SLC39A12: variants seen among roughly 807,000 people sequenced by gnomAD.
SLC39A12 encodes zinc transporter ZIP12.
Under a neutral mutation model 71.1 loss-of-function variants are expected in SLC39A12, and 63 were observed. That is an observed-to-expected ratio of 0.89 (90% CI 0.72 to 1.09). The LOEUF is 1.09. Ranked by LOEUF, SLC39A12 falls within the 50% of genes least tolerant of loss-of-function variation. The pLI, the probability that SLC39A12 is intolerant of heterozygous loss-of-function variation, is 0.00. For synonymous variants in SLC39A12, 351 were observed against 301.3 expected (o/e 1.16, Z -1.71); for missense variants, 892 against 812.6 (o/e 1.10, Z -1.19).
intron 4 of SLC39A12, among the ~76,000 whole-genome samples, chr10:17,968,884 T>C (rs1432536031): frequency 1.3e-5 from 2 of 152,204 alleles, no homozygotes; most frequent in East Asian, 3.8e-4. Context: ...TATCAAATAA[T>C]AGGTCTTATT....
intron 12 of SLC39A12, among the ~76,000 whole-genome samples, chr10:18,028,450 C>G (rs1836741107): frequency 6.6e-6 from 1 of 152,086 alleles, no homozygotes; most frequent in South Asian, 2.1e-4. Context: ...TGGAAGTGGA[C>G]AGTAAATGCT....
rs772721594 is a variant in SLC39A12, at chr10:17,981,393, A to C, written c.1006A>C (p.Met336Leu). 12 of 1,613,882 alleles carry C rather than the reference A, an allele frequency of 7.4e-6. No individual in the cohort carries two copies. Among genetic ancestry groups the C allele is most frequent in the Admixed American group, 1.7e-5 (1 of 60,004 alleles). The change falls in exon 6 of 13, where the codon ATG becomes CTG. Residue 336 changes from methionine to leucine, a missense_variant. Met to Leu is a conservative substitution (Grantham distance 15, BLOSUM62 2). Transcript: ENST00000377369. ...SLISKEDFKQ[M>L]SPGIIQQLLS... ...CATTTCTAAGGAGGACTTTAAGCAA[A>C]TGAGTCCAGGGATCATCCAGCAGCT...
At chr10:18,001,134 A>G (rs1196491763) in intron 11 of SLC39A12, among the ~76,000 whole-genome samples, 1 of 152,200 alleles carries the variant, frequency 6.6e-6, no homozygotes, top group African/African-American at 2.4e-5. Flanking sequence ...GGGACTTTAA[A>G]ATCTGCATAT....
chr10:18,024,997 T>C (rs1359379879), intron 12 of SLC39A12, among the ~76,000 whole-genome samples: 11 of 152,228 alleles, frequency 7.2e-5, no homozygotes, highest in Admixed American at 1.3e-4. Context: ...ATGTTTCTTG[T>C]AGATGGCAAG....
chr10:17,965,021 A>C (rs1490755681), intron 3 of SLC39A12, among the ~76,000 whole-genome samples: 1 of 152,206 alleles, frequency 6.6e-6, no homozygotes, highest in Non-Finnish European at 1.5e-5. Context: ...AGCCTGGTCA[A>C]CATGGTGAAA....
At chr10:17,991,654 A>T (rs1177799459) in intron 8 of SLC39A12, among the ~76,000 whole-genome samples, 1 of 149,916 alleles carries the variant, frequency 6.7e-6, no homozygotes, top group Non-Finnish European at 1.5e-5. Flanking sequence ...AAACTTTGAA[A>T]ACTCACAAAA....
chr10:17,977,796 A>G, intron 4 of SLC39A12, 106 bp from the exon 5 acceptor site: 2 of 874,810 alleles, frequency 2.3e-6, no homozygotes, highest in African/African-American at 1.7e-5. Flanking sequence ...TTAAAAAATG[A>G]TAAGAATTCT....
intron 12 of SLC39A12, among the ~76,000 whole-genome samples, chr10:18,020,726 T>C (rs1016208562): frequency 1.3e-5 from 2 of 152,146 alleles, no homozygotes; most frequent in African/African-American, 4.8e-5. Flanking sequence ...ATTAGTGATA[T>C]AGAGCATTTT....
At chr10:17,991,904 C>A (rs1334918157) in intron 8 of SLC39A12, among the ~76,000 whole-genome samples, 4 of 151,976 alleles carry the variant, frequency 2.6e-5, no homozygotes, top group Admixed American at 1.3e-4. Context: ...GCCTGGCCAA[C>A]ATAGCGAAAC....
intron 12 of SLC39A12, among the ~76,000 whole-genome samples, chr10:18,036,794 A>ATATTTTTTTT (rs1554855475): frequency 4.3e-5 from 4 of 92,852 alleles, no homozygotes; most frequent in Non-Finnish European, 5.8e-5. Context: ...ATATATATAT[A>ATATTTTTTTT]TTTTTTTTTT....
chr10:18,020,063 A>T (rs1311960672), intron 12 of SLC39A12, among the ~76,000 whole-genome samples: 1 of 151,934 alleles, frequency 6.6e-6, no homozygotes, highest in East Asian at 1.9e-4. Context: ...ATATTGTGGG[A>T]TTTGGAATAC....
intron 12 of SLC39A12, among the ~76,000 whole-genome samples, chr10:18,017,788 A>C (rs1704891122): frequency 6.6e-6 from 1 of 152,214 alleles, no homozygotes; most frequent in African/African-American, 2.4e-5. Flanking sequence ...CTGTAACATT[A>C]TAGTAAGTCT....
intron 10 of SLC39A12, among the ~76,000 whole-genome samples, chr10:17,999,368 C>T (rs1029350857): frequency 2.0e-5 from 3 of 150,972 alleles, no homozygotes; most frequent in African/African-American, 7.3e-5. Flanking sequence ...ACTACTTACA[C>T]CTGTCACACA....
chr10:17,967,819 G>A (rs1291818537), intron 4 of SLC39A12, among the ~76,000 whole-genome samples: 4 of 150,646 alleles, frequency 2.7e-5, no homozygotes, highest in African/African-American at 4.9e-5. Flanking sequence ...CCCAGGAGGC[G>A]GAGCTGGCAG....
At chr10:18,025,695 C>G (rs1418590341) in intron 12 of SLC39A12, among the ~76,000 whole-genome samples, 1 of 152,050 alleles carries the variant, frequency 6.6e-6, no homozygotes, top group East Asian at 1.9e-4. Context: ...AGTAAACATA[C>G]GTGTGCATGT....
intron 4 of SLC39A12, among the ~76,000 whole-genome samples, chr10:17,976,547 A>G (rs1343556525): frequency 6.6e-6 from 1 of 152,150 alleles, no homozygotes; most frequent in East Asian, 1.9e-4. Flanking sequence ...CTTCCTGAGT[A>G]GCTTGGATTA....
At chr10:17,983,033 T>A (rs2497832) in intron 6 of SLC39A12, among the ~76,000 whole-genome samples, 68,062 of 148,736 alleles carry the variant, frequency 0.46, 15,927 homozygotes, top group East Asian at 0.63. Context: ...TACTAAAAAT[T>A]AAAAATTAAA....
intron 12 of SLC39A12, among the ~76,000 whole-genome samples, chr10:18,039,669 A>G (rs1837165620): frequency 1.3e-5 from 2 of 152,184 alleles, no homozygotes; most frequent in African/African-American, 2.4e-5. Flanking sequence ...TCACGGCTAC[A>G]GTGAGCTATG....
chr10:17,980,443 T>C lies in SLC39A12; in HGVS notation c.925-869T>C, dbSNP rs76743068. Among the ~76,000 whole-genome samples, 453 of 152,284 alleles carry C rather than the reference T, an allele frequency of 3.0e-3. 1 individual carries two copies. The highest frequency in any genetic ancestry group is 0.01 in the African/African-American group (434 of 41,568). The stretch of plus-strand genomic sequence containing the variant: ...AACTAAAGATCACAAAGACATTGCA[T>C]TGGGGTCTTATTTCAATAGAAAACA... On this transcript the variant is annotated intron_variant, in intron 5 of 12. Coordinates refer to ENST00000377369, the MANE Select transcript of SLC39A12 (RefSeq NM_001145195.2).
Sources: gnomAD v4.1 joint callset for allele counts (sites outside exome capture counted in the v4.1 genomes callset) on GRCh38, gnomAD v4.1.1 for gene constraint, MANE v1.5 for transcripts, NCBI Gene and HGNC (gene_info 2026-07-23, HGNC 2026-07-21) for gene names.